CPLANE1: variants seen among roughly 807,000 people sequenced by gnomAD.
CPLANE1 encodes ciliogenesis and planar polarity effector complex subunit 1, also known as ciliogenesis and planar polarity effector 1.
Under a neutral mutation model 362.5 loss-of-function variants are expected in CPLANE1, and 263 were observed. The observed-to-expected ratio is 0.73, with a 90% CI of 0.66 to 0.80. The LOEUF (loss-of-function observed/expected upper bound fraction) is 0.80, where lower values mean the gene tolerates loss of function less well. Among genes scored for constraint, CPLANE1 ranks in the 30% least tolerant of loss-of-function variants. The pLI, the probability that CPLANE1 is intolerant of heterozygous loss-of-function variation, is 0.00. For missense variants in CPLANE1, 3,461 were observed against 3,793.4 expected, an observed-to-expected ratio of 0.91 and a Z score of 2.30; for synonymous variants, 1,212 against 1,302.6, an observed-to-expected ratio of 0.93 and a Z score of 1.50.
At chr5:37,191,048 A>AT (rs1785412381) in intron 21 of CPLANE1, among the ~76,000 whole-genome samples, 1 of 152,196 alleles carries the variant, frequency 6.6e-6, no homozygotes, top group African/African-American at 2.4e-5. Flanking sequence ...AGGCATTGTT[A>AT]TAAGAGAAGA....
Position 37,175,989 on chromosome 5 carries a change from A to G in CPLANE1, c.5901-3T>C, listed in dbSNP as rs10805625. 0.11 allele frequency: 176,048 copies of G among 1,598,720 alleles called. 10,836 individuals carry two copies. The highest frequency in any genetic ancestry group is 0.23 in the African/African-American group (17,471 of 74,516). On this transcript the variant is annotated splice_polypyrimidine_tract_variant and splice_region_variant and intron_variant, in intron 30 of 52. Coordinates refer to ENST00000651892, the MANE Select transcript of CPLANE1 (RefSeq NM_001384732.1). ...GATGTGAAAAGGCTTCGATCATACTATCAATAAAAATTAACAGGTGATTAG... is the reference window on the plus strand; with the variant it reads ...GATGTGAAAAGGCTTCGATCATACTGTCAATAAAAATTAACAGGTGATTAG...
Position 37,107,020 on chromosome 5 carries a change from C to CTTCA in CPLANE1, c.*578_*581dup. The CTTCA allele has an allele frequency of 1.0e-6, 1 of 985,432 alleles. No homozygotes were observed. Among genetic ancestry groups the CTTCA allele is most frequent in the Non-Finnish European group, 1.2e-6 (1 of 829,936 alleles). 61.0% of individuals were successfully genotyped at this position (985,432 alleles called of 1,614,324 possible). ...TCCATTCCTGTTTCTTCCTCCAAGG[C>CTTCA]TTCAGGCTACAGGGCAGAAGACAGA... On this transcript the variant is annotated 3_prime_UTR_variant, in exon 53 of 53. Transcript: ENST00000651892.
chr5:37,173,918 G>A lies in CPLANE1; in HGVS notation c.6008C>T (p.Ser2003Phe), dbSNP rs1445358492. The A allele has an allele frequency of 1.9e-6, 3 of 1,614,000 alleles. No individual in the cohort carries two copies. The highest frequency in any genetic ancestry group is 2.5e-6 in the Non-Finnish European group (3 of 1,180,028). ...SAQISTYKEK[S>F]SSVPLLISNG... ...TGATATCAGAAGTGGAACTGAGGAA[G>A]ATTTTTCTTTATATGTAGAAATCTG... The change falls in exon 32 of 53, where the codon TCT becomes TTT. Residue 2003 changes from serine to phenylalanine, a missense_variant. Physicochemically the swap from Ser to Phe is radical, Grantham distance 155. Transcript: ENST00000651892.
In CPLANE1 at chr5:37,209,148, G is replaced by A. The variant is rs1451067695; in HGVS notation, c.2921-2723C>T. Among the ~76,000 whole-genome samples, 2 of 152,202 alleles carry A rather than the reference G, an allele frequency of 1.3e-5. No individual in the cohort carries two copies. Among genetic ancestry groups the A allele is most frequent in the African/African-American group, 2.4e-5 (1 of 41,448 alleles). ...CGGTCCTCACTCATTCCTCAGAACC[G>A]CGAAGAAAGGAAGCTAGCGTGTTTG... On this transcript the variant is annotated intron_variant, in intron 16 of 52. Coordinates refer to ENST00000651892, the MANE Select transcript of CPLANE1 (RefSeq NM_001384732.1). This position sits in a 1 kb window ranked among gnomAD's most constrained non-coding sequence, Gnocchi z 4.6.
chr5:37,140,238 T>C (rs527692114), intron 44 of CPLANE1: 831 of 916,704 alleles, frequency 9.1e-4, no homozygotes, highest in Non-Finnish European at 1.1e-3. Flanking sequence ...ACATCTCTTC[T>C]CAAAAAATAT....
intron 43 of CPLANE1, among the ~76,000 whole-genome samples, chr5:37,147,429 A>G (rs551509162): frequency 6.6e-6 from 1 of 152,322 alleles, no homozygotes; most frequent in South Asian, 2.1e-4. Flanking sequence ...TGCGAACTAC[A>G]AACTATGTAG....
intron 42 of CPLANE1, among the ~76,000 whole-genome samples, chr5:37,151,634 T>A (rs1404467786): frequency 1.3e-5 from 2 of 152,364 alleles, no homozygotes; most frequent in East Asian, 3.9e-4. Context: ...CTGTAGATAA[T>A]GACTACTAAA....
Position 37,167,158 on chromosome 5 carries a change from T to C in CPLANE1, c.7289A>G (p.Gln2430Arg), listed in dbSNP as rs368636136. The change falls in exon 35 of 53, where the codon CAA becomes CGA. Residue 2430 changes from glutamine to arginine, a missense_variant. Gln to Arg is a conservative substitution (Grantham distance 43). Around this residue, in one of 2 missense-constraint regions of CPLANE1, gnomAD observed 3,380 missense variants for 3,666.1 expected, o/e 0.92. Coordinates refer to ENST00000651892, the MANE Select transcript of CPLANE1 (RefSeq NM_001384732.1). ...LENLIAFKQSQQKLTHNLFEQ... is the reference protein window; with the variant it reads ...LENLIAFKQSRQKLTHNLFEQ... ...AAATAAATTATGTGTTAGTTTCTGT[T>C]GGCTTTGTTTAAACGCAATGAGGTT... 2 of 1,613,526 alleles carry C rather than the reference T, an allele frequency of 1.2e-6. No individual in the cohort carries two copies. The highest frequency in any genetic ancestry group is 1.7e-6 in the Non-Finnish European group (2 of 1,179,872).
At chr5:37,228,698 A>G (rs1239118494) in intron 9 of CPLANE1, among the ~76,000 whole-genome samples, 1 of 152,188 alleles carries the variant, frequency 6.6e-6, no homozygotes. Flanking sequence ...AATGTTAATA[A>G]TTGTTACCTT....
intron 16 of CPLANE1, among the ~76,000 whole-genome samples, chr5:37,207,065 G>C (rs1205924901): frequency 2.0e-5 from 3 of 152,208 alleles, no homozygotes; most frequent in Non-Finnish European, 4.4e-5. Context: ...TTGCCATCTG[G>C]CCTGTGATTT....
In CPLANE1 at chr5:37,169,892, G is replaced by A. The variant is rs111536446; in HGVS notation, c.6462+149C>T. 0.12 allele frequency: 93,290 copies of A among 775,740 alleles called. 7,094 individuals carry two copies. The highest frequency in any genetic ancestry group is 0.31 in the African/African-American group (17,696 of 57,194). 48.1% of individuals were successfully genotyped at this position (775,740 alleles called of 1,614,324 possible). ...CAGGCATGCGCCACCACACCCGGCT[G>A]ACTTTTGTATTTTTAGTAGAGACGG... On this transcript the variant is annotated intron_variant, in intron 33 of 52. Coordinates refer to ENST00000651892, the MANE Select transcript of CPLANE1 (RefSeq NM_001384732.1).
rs148590724 is a variant in CPLANE1 at position 37,246,420 on chromosome 5, A to T, written c.82-575T>A. On this transcript the variant is annotated intron_variant, in intron 2 of 52. Transcript: ENST00000651892. Reference sequence around the variant, plus strand: ...AGCCCAGAACTCCTGGGCTCAAGCGATCCTCTTGCCTTAGCCTCCTGAGTA... The same window carrying T: ...AGCCCAGAACTCCTGGGCTCAAGCGTTCCTCTTGCCTTAGCCTCCTGAGTA... 13 of 152,266 alleles carry T rather than the reference A, an allele frequency of 8.5e-5. No homozygotes were observed. The East Asian group carries it at 2.5e-3, about 29-fold the overall frequency. 9.4% of individuals were successfully genotyped at this position (152,266 alleles called of 1,614,324 possible). A position where few individuals can be genotyped will look rare whatever the true frequency, so the allele number is the denominator to read the frequency against.
chr5:37,107,921 G>A (rs930809558), intron 52 of CPLANE1, 143 bp from the exon 53 acceptor site: 7 of 1,330,964 alleles, frequency 5.3e-6, no homozygotes, highest in African/African-American at 4.5e-5. Flanking sequence ...AATGTGCCAG[G>A]AAATAGGGCT....
chr5:37,087,416 C>T, the CPLANE1 span, among the ~76,000 whole-genome samples: 1 of 152,172 alleles, frequency 6.6e-6, no homozygotes, highest in Non-Finnish European at 1.5e-5. Context: ...TTTGCCTGAG[C>T]CCCCTCCTCC....
rs182549749 is a variant in CPLANE1 at position 37,157,016 on chromosome 5, C to T, written c.8119+297G>A. On this transcript the variant is annotated intron_variant, in intron 41 of 52. Transcript: ENST00000651892. ...CTATTTGAGAATTTCCCACCTTTTA[C>T]AATATGAGAATTGCTTTCTAACATC... 2.6e-5 allele frequency among the ~76,000 whole-genome samples: 4 copies of T among 152,302 alleles called. No homozygotes were observed. In the East Asian group the frequency reaches 7.7e-4, roughly 29 times the overall value.
In CPLANE1 at chr5:37,206,236, G is replaced by C. The variant is rs1364362627; in HGVS notation, c.3110C>G (p.Ala1037Gly). ...DWKTSVSIGV[A>G]FQLFCKRDSN... ...ATCACGTTTACAGAACAGCTGGAAA[G>C]CCACACCAATTGAAACAGACGTCTT... Residue 1037 changes from alanine to glycine, a missense_variant, in exon 17 of 53, where the codon GCT becomes GGT. Around this residue, in one of 2 missense-constraint regions of CPLANE1, gnomAD observed 3,380 missense variants for 3,666.1 expected, o/e 0.92. Transcript: ENST00000651892. The C allele has an allele frequency of 1.3e-6, 2 of 1,551,716 alleles. No homozygotes were observed. The highest frequency in any genetic ancestry group is 2.7e-5 in the African/African-American group (2 of 73,026).
At chr5:37,182,637 T>C (rs916721812) in intron 26 of CPLANE1, 123 bp downstream of exon 26, 5 of 681,814 alleles carry the variant, frequency 7.3e-6, no homozygotes, top group African/African-American at 1.9e-5. Context: ...ATACTGATTA[T>C]AATCAACATT....
chr5:37,095,253 T>C, the CPLANE1 span, among the ~76,000 whole-genome samples: 3 of 152,308 alleles, frequency 2.0e-5, no homozygotes, highest in Admixed American at 2.0e-4. Flanking sequence ...GTGGGTTTCA[T>C]ACCAGGGATG....
At chr5:37,081,780 T>G in the CPLANE1 span, among the ~76,000 whole-genome samples, 1 of 151,936 alleles carries the variant, frequency 6.6e-6, no homozygotes, top group Non-Finnish European at 1.5e-5. Flanking sequence ...AAAAGGAACT[T>G]AAACCTACAC....
Sources: gnomAD v4.1 joint callset for allele counts (sites outside exome capture counted in the v4.1 genomes callset) on GRCh38, gnomAD v4.1.1 for gene constraint, gnomAD v4.1.1 regional missense constraint, Gnocchi (gnomAD v3.1) non-coding constraint, MANE v1.5 for transcripts, NCBI Gene and HGNC (gene_info 2026-07-23, HGNC 2026-07-21) for gene names.